Variants in C2CD3 observed in about 807,000 individuals in gnomAD.
C2CD3 encodes the protein C2 domain containing 3 centriole elongation regulator, also known as C2 domain-containing protein 3.
Under a neutral mutation model 234.0 loss-of-function variants are expected in C2CD3, and 148 were observed. The observed-to-expected ratio is 0.63, with a 90% CI of 0.55 to 0.72. The LOEUF (loss-of-function observed/expected upper bound fraction) is 0.72. Ranked by LOEUF, C2CD3 falls within the 30% of genes least tolerant of loss-of-function variation. The pLI is 0.00. For synonymous variants in C2CD3, 1,000 were observed against 1,035.4 expected (o/e 0.97, Z 0.66); for missense variants, 2,577 against 2,811.5 (o/e 0.92, Z 1.89).
intron 16 of C2CD3, among the ~76,000 whole-genome samples, chr11:74,095,786 T>A (rs535974236): frequency 6.5e-4 from 99 of 152,280 alleles, no homozygotes; most frequent in Middle Eastern, 3.4e-3. Flanking sequence ...AAATCGTAAA[T>A]TTAGAATAAA....
At chr11:74,155,701 CAG>C (rs1855967747) in intron 3 of C2CD3, among the ~76,000 whole-genome samples, 1 of 152,050 alleles carries the variant, frequency 6.6e-6, no homozygotes, top group Non-Finnish European at 1.5e-5. Flanking sequence ...TACACAGAGA[CAG>C]AAAGTAGGTT....
At chr11:74,154,829 C>T (rs1226699741) in intron 3 of C2CD3, among the ~76,000 whole-genome samples, 1 of 151,824 alleles carries the variant, frequency 6.6e-6, no homozygotes, top group Non-Finnish European at 1.5e-5. Context: ...GCCAAAAAGC[C>T]CATGAAAAAA....
intron 32 of C2CD3, among the ~76,000 whole-genome samples, chr11:74,024,937 C>A (rs182903178): frequency 1.3e-5 from 2 of 152,006 alleles, no homozygotes; most frequent in South Asian, 4.2e-4. Flanking sequence ...ACTGGTCATC[C>A]GAACCAGGAC....
chr11:74,113,656 G>C (rs1296559502), intron 11 of C2CD3, 124 bp downstream of exon 11: 3 of 710,810 alleles, frequency 4.2e-6, no homozygotes, highest in Non-Finnish European at 7.6e-6. Context: ...CTCCAGCCTG[G>C]GCGAAAGAGT....
At chr11:74,055,342 A>G (rs768014712) in intron 25 of C2CD3, among the ~76,000 whole-genome samples, 13 of 152,150 alleles carry the variant, frequency 8.5e-5, no homozygotes, top group Admixed American at 2.6e-4. Flanking sequence ...AAGAAGCTGA[A>G]GTGGAATCCA....
chr11:74,037,695 C>T lies in C2CD3; in HGVS notation c.5664G>A (p.Lys1888=). Residue 1888 remains lysine (K), a synonymous_variant, in exon 30 of 33, where the codon AAG becomes AAA. Coordinates refer to ENST00000334126, the MANE Select transcript of C2CD3 (RefSeq NM_001286577.2). ...GAATCTGATCAAGCTCACTCAGATT[C>T]TTCCTATAAACAAAAGGGGGAGAAG... ...SQTSILTSLR[K]NLSELDQIQR... 2 of 1,612,006 alleles carry T rather than the reference C, an allele frequency of 1.2e-6. No homozygotes were observed. Among genetic ancestry groups the T allele is most frequent in the African/African-American group, 1.3e-5 (1 of 74,978 alleles).
intron 3 of C2CD3, among the ~76,000 whole-genome samples, chr11:74,146,747 C>CACACACACAT (rs58129019): frequency 0.18 from 26,377 of 143,960 alleles, 2,593 homozygotes; most frequent in East Asian, 0.28. Flanking sequence ...CACACACACA[C>CACACACACAT]AATTAACATA....
chr11:74,129,796 C>A (rs3018187), intron 7 of C2CD3: 37,649 of 177,082 alleles, frequency 0.21, 7,320 homozygotes, highest in African/African-American at 0.55. Context: ...TTGAGCACTG[C>A]GTGAACGAGA....
rs183551577 is a variant in C2CD3 at position 74,049,239 on chromosome 11, C to T, written c.5361+98G>A. The T allele has an allele frequency of 4.4e-5, 42 of 958,580 alleles. No individual in the cohort carries two copies. In the East Asian group the frequency reaches 8.3e-4, roughly 19 times the overall value. 59.4% of individuals were successfully genotyped at this position (958,580 alleles called of 1,614,324 possible). On this transcript the variant is annotated intron_variant, in intron 27 of 32. Coordinates refer to ENST00000334126, the MANE Select transcript of C2CD3 (RefSeq NM_001286577.2). ...GTTATGAGACACATATAGTATATAA[C>T]GTATTCTATAAGCCGGAGAGTGCCA...
Position 74,123,027 on chromosome 11 carries a change from A to G in C2CD3, c.1326T>C (p.Tyr442=). The G allele has an allele frequency of 6.2e-7, 1 of 1,613,650 alleles. No homozygotes were observed. Among genetic ancestry groups the G allele is most frequent in the Admixed American group, 1.7e-5 (1 of 60,028 alleles). The change falls in exon 8 of 33, where the codon TAT becomes TAC. Residue 442 remains tyrosine, a synonymous_variant. Coordinates refer to ENST00000334126, the MANE Select transcript of C2CD3 (RefSeq NM_001286577.2). ...ATAAATTCTCCAGAAGACTCTGGTC[A>G]TACTGAGGGTCATTCAGCTCACTGA... ...YCISELNDPQ[Y]DQSLLENLFY...
chr11:74,064,322 T>C (rs937341360), intron 24 of C2CD3, among the ~76,000 whole-genome samples: 16 of 152,272 alleles, frequency 1.1e-4, no homozygotes, highest in South Asian at 2.1e-4. Context: ...CCATTCACAA[T>C]TGCTTCAAAG....
chr11:74,101,286 T>G (rs371985927), intron 14 of C2CD3, among the ~76,000 whole-genome samples: 9 of 152,178 alleles, frequency 5.9e-5, no homozygotes, highest in African/African-American at 2.2e-4. Flanking sequence ...AAAGCACCTT[T>G]GTCAAATTAG....
At position 74,090,850 on chromosome 11, in the gene C2CD3, G is replaced by A; in HGVS notation, c.3604C>T (p.Gln1202Ter). Residue 1202 changes from glutamine (Q) to a stop codon, truncating the protein, a stop_gained, in exon 20 of 33, where the codon CAG becomes TAG. Coordinates refer to ENST00000334126, the MANE Select transcript of C2CD3 (RefSeq NM_001286577.2). LOFTEE classifies it high-confidence loss of function. Reference sequence around the variant, plus strand: ...TGCAGACCACAGGCTCTGATAATCTGGACTGAGATGGAAACAGTTCGGGCA... The same window carrying A: ...TGCAGACCACAGGCTCTGATAATCTAGACTGAGATGGAAACAGTTCGGGCA... ...LAARTVSISV[Q>*]IIRACGLQAA... 6.2e-7 allele frequency: 1 copy of A among 1,614,060 alleles called. No individual in the cohort carries two copies. Among genetic ancestry groups the A allele is most frequent in the Non-Finnish European group, 8.5e-7 (1 of 1,179,974 alleles).
At chr11:74,085,534 C>T (rs1346664453) in intron 21 of C2CD3, 84 bp downstream of exon 21, 4 of 1,343,518 alleles carry the variant, frequency 3.0e-6, no homozygotes, top group Non-Finnish European at 3.1e-6. Context: ...TTAAATACTG[C>T]AGTATGTATC....
rs142840530 is a variant in C2CD3, at chr11:74,112,486, T to C, written c.1843+1294A>G. Among the ~76,000 whole-genome samples, 385 of 152,188 alleles carry C rather than the reference T, an allele frequency of 2.5e-3. 2 individuals carry two copies. The highest frequency in any genetic ancestry group is 4.0e-3 in the Admixed American group (61 of 15,292). On this transcript the variant is annotated intron_variant, in intron 11 of 32. Coordinates refer to ENST00000334126, the MANE Select transcript of C2CD3 (RefSeq NM_001286577.2). ...ACATAAAAATTAAAAACTTTTGTGC[T>C]GTAAACAATACCATCTAGAGAGTGA...
At chr11:74,125,171 A>C (rs1451414202) in intron 7 of C2CD3, among the ~76,000 whole-genome samples, 1 of 152,096 alleles carries the variant, frequency 6.6e-6, no homozygotes, top group African/African-American at 2.4e-5. Flanking sequence ...TCTCTTTTTA[A>C]AAATTGTATT....
chr11:74,061,322 T>A lies in C2CD3; in HGVS notation c.4952-3778A>T, dbSNP rs558741774. Among the ~76,000 whole-genome samples, 201 of 152,224 alleles carry A rather than the reference T, an allele frequency of 1.3e-3. 3 individuals carry two copies. In the East Asian group the frequency reaches 0.014, roughly 10 times the overall value. ...GAAGAGCAACTCCAAGACACATAAT[T>A]GTCAGATTCACCAAAGTTGAAATGA... On this transcript the variant is annotated intron_variant, in intron 24 of 32. Coordinates refer to ENST00000334126, the MANE Select transcript of C2CD3 (RefSeq NM_001286577.2).
In C2CD3 at chr11:74,103,455, A is replaced by G. The variant is rs1956394250; in HGVS notation, c.2256T>C (p.Ile752=). The G allele has an allele frequency of 1.2e-6, 2 of 1,614,124 alleles. No individual in the cohort carries two copies. The highest frequency in any genetic ancestry group is 1.7e-6 in the Non-Finnish European group (2 of 1,180,016). ...CTKNPQNLNQ[I]HEETAKKAQN... Reference sequence around the variant, plus strand: ...GTGCTTTCTTTGCAGTTTCCTCATGAATTTGGTTTAAGTTTTGTGGATTTT... The same window carrying G: ...GTGCTTTCTTTGCAGTTTCCTCATGGATTTGGTTTAAGTTTTGTGGATTTT... Residue 752 remains isoleucine, a synonymous_variant, in exon 14 of 33, where the codon ATT becomes ATC. Transcript: ENST00000334126.
At chr11:74,118,955 TG>T in intron 8 of C2CD3, among the ~76,000 whole-genome samples, 1 of 149,762 alleles carries the variant, frequency 6.7e-6, no homozygotes, top group African/African-American at 2.5e-5. Flanking sequence ...TTGCCCAGAC[TG>T]GAGTGCAGTG....
Sources: gnomAD v4.1 joint callset for allele counts (sites outside exome capture counted in the v4.1 genomes callset) on GRCh38, gnomAD v4.1.1 for gene constraint, MANE v1.5 for transcripts, NCBI Gene and HGNC (gene_info 2026-07-23, HGNC 2026-07-21) for gene names.